The following RNF144A variants were observed in gnomAD, a reference collection of about 807,000 sequenced individuals.
RNF144A encodes the protein E3 ubiquitin-protein ligase RNF144A.
Under a neutral mutation model 38.7 loss-of-function variants are expected in RNF144A, and 11 were observed. That is an observed-to-expected ratio of 0.28 (90% CI 0.18 to 0.47). The LOEUF (loss-of-function observed/expected upper bound fraction) is 0.47, where lower values mean the gene tolerates loss of function less well. Ranked by LOEUF, RNF144A falls within the 20% of genes least tolerant of loss-of-function variation. The probability of loss-of-function intolerance (pLI) is 0.99; values close to 1 mark genes in which losing one functional copy is unlikely to be tolerated. For missense variants in RNF144A, 316 were observed against 377.2 expected, an observed-to-expected ratio of 0.84 and a Z score of 1.34; for synonymous variants, 149 against 143.9, an observed-to-expected ratio of 1.04 and a Z score of -0.25.
intron 6 of RNF144A, among the ~76,000 whole-genome samples, chr2:7,066,119 A>T (rs951177087): frequency 6.7e-6 from 1 of 148,362 alleles, no homozygotes; most frequent in Admixed American, 6.8e-5. Context: ...ACGGAGTCTC[A>T]CTCTGTTGCC....
chr2:6,997,576 G>A (rs1316705107), intron 3 of RNF144A, among the ~76,000 whole-genome samples: 1 of 152,142 alleles, frequency 6.6e-6, no homozygotes, highest in Non-Finnish European at 1.5e-5. Context: ...ATCCTTCGGG[G>A]CTTAATGAAT....
At chr2:6,935,890 C>T (rs192797018) in intron 1 of RNF144A, among the ~76,000 whole-genome samples, 10 of 152,360 alleles carry the variant, frequency 6.6e-5, no homozygotes, top group Admixed American at 3.9e-4. Flanking sequence ...GCTGCTCAAA[C>T]GACTGTTCAG....
intron 6 of RNF144A, among the ~76,000 whole-genome samples, chr2:7,060,733 T>C (rs309273): frequency 0.49 from 74,764 of 151,952 alleles, 19,101 homozygotes; most frequent in South Asian, 0.68. Flanking sequence ...ATTTATAACC[T>C]CTTCTGAGAC....
chr2:6,920,127 A>G (rs961163561), intron 1 of RNF144A, among the ~76,000 whole-genome samples: 11 of 152,234 alleles, frequency 7.2e-5, no homozygotes, highest in Non-Finnish European at 1.5e-5. Flanking sequence ...GTTGGGAGCT[A>G]CAAGCTACGT....
chr2:7,014,582 G>A (rs776257965), intron 4 of RNF144A, 24 bp downstream of exon 4: 6 of 1,562,232 alleles, frequency 3.8e-6, no homozygotes, highest in Non-Finnish European at 5.3e-6. Context: ...AACAGACTGG[G>A]CTGTTTGATG....
rs1280760290 is a variant in RNF144A at position 6,977,702 on chromosome 2, A to AT, written c.-11-19208dup. 2.0e-5 allele frequency among the ~76,000 whole-genome samples: 3 copies of AT among 152,086 alleles called. 1 individual carries two copies. The highest frequency in any genetic ancestry group is 4.4e-5 in the Non-Finnish European group (3 of 68,016). On this transcript the variant is annotated intron_variant, in intron 2 of 8. Coordinates refer to ENST00000320892, the MANE Select transcript of RNF144A (RefSeq NM_014746.6). The stretch of plus-strand genomic sequence containing the variant: ...AGTGTCCATTAAACTTTACTGACCA[A>AT]TTTTTTATGGAGCACTTCCTCTATG...
chr2:7,043,477 T>C lies in RNF144A; in HGVS notation c.*3717T>C. 1 of 985,762 alleles carries C rather than the reference T, an allele frequency of 1.0e-6. No individual in the cohort carries two copies. The highest frequency in any genetic ancestry group is 1.2e-6 in the Non-Finnish European group (1 of 829,904). The allele number at this position is 985,762 out of a possible 1,614,324, so 61.1% of individuals were successfully genotyped here. ...GAGCACACCTGTGTATATATATAAA[T>C]CACAAGGAGATCATCAAGGGAAAAC... On this transcript the variant is annotated 3_prime_UTR_variant, in exon 9 of 9. Transcript: ENST00000320892.
chr2:6,955,032 CAA>C (rs1403357206), intron 2 of RNF144A, among the ~76,000 whole-genome samples: 1 of 152,116 alleles, frequency 6.6e-6, no homozygotes, highest in Non-Finnish European at 1.5e-5. Flanking sequence ...AATTTGGAGA[CAA>C]ATCAGGATTT....
intron 2 of RNF144A, among the ~76,000 whole-genome samples, chr2:6,963,818 C>G (rs1042547836): frequency 6.6e-6 from 1 of 152,132 alleles, no homozygotes; most frequent in Non-Finnish European, 1.5e-5. Flanking sequence ...CGTAGTCCCT[C>G]CTCTCAGGCA....
intron 8 of RNF144A, among the ~76,000 whole-genome samples, chr2:7,035,067 C>T (rs906167094): frequency 6.6e-6 from 1 of 152,260 alleles, no homozygotes; most frequent in Non-Finnish European, 1.5e-5. Context: ...TTGTCATCTT[C>T]ATCTCTGCAA....
At chr2:7,045,217 G>A (rs1027282150), downstream of RNF144A, among the ~76,000 whole-genome samples, 1 of 152,340 alleles carries the variant, frequency 6.6e-6, no homozygotes, top group Non-Finnish European at 1.5e-5. Flanking sequence ...CTGACCTGGT[G>A]GGGGCACAGT....
intron 6 of RNF144A, among the ~76,000 whole-genome samples, chr2:7,056,604 C>A (rs1673749287): frequency 6.6e-6 from 1 of 152,204 alleles, no homozygotes; most frequent in Admixed American, 6.5e-5. Flanking sequence ...TCCTGCAGCA[C>A]TGGCCCCATT....
At chr2:7,068,792 A>G (rs1404285132), downstream of RNF144A, among the ~76,000 whole-genome samples, 1 of 152,224 alleles carries the variant, frequency 6.6e-6, no homozygotes, top group Non-Finnish European at 1.5e-5. Context: ...GCAAAGTCAC[A>G]GATAATGTGG....
At chr2:6,973,903 G>A (rs748765370) in intron 2 of RNF144A, among the ~76,000 whole-genome samples, 2 of 152,196 alleles carry the variant, frequency 1.3e-5, no homozygotes, top group African/African-American at 2.4e-5. Context: ...GATCCACAAA[G>A]CCTGAAATAT....
At chr2:7,060,689 G>A (rs183232558) in intron 6 of RNF144A, among the ~76,000 whole-genome samples, 5 of 152,222 alleles carry the variant, frequency 3.3e-5, no homozygotes, top group African/African-American at 4.8e-5. Flanking sequence ...CCAGAGATGC[G>A]TAGCATTCCC....
At chr2:6,938,324 T>A (rs1299366455) in intron 1 of RNF144A, among the ~76,000 whole-genome samples, 1 of 143,224 alleles carries the variant, frequency 7.0e-6, no homozygotes, top group East Asian at 2.3e-4. Flanking sequence ...CTTGGCTCAC[T>A]GCAACCTCTG....
chr2:7,033,191 T>G (rs1369819744), intron 8 of RNF144A, among the ~76,000 whole-genome samples: 2 of 152,260 alleles, frequency 1.3e-5, no homozygotes, highest in Non-Finnish European at 2.9e-5. Context: ...CTCACATGTA[T>G]TTTGCTCTGG....
At chr2:7,036,932 A>G (rs939115019) in intron 8 of RNF144A, among the ~76,000 whole-genome samples, 8 of 152,194 alleles carry the variant, frequency 5.3e-5, no homozygotes, top group African/African-American at 1.7e-4. Context: ...GGAACTTAGA[A>G]TGGTTTGCAG....
chr2:7,073,177 C>G (rs1674541724), downstream of RNF144A, among the ~76,000 whole-genome samples: 1 of 152,226 alleles, frequency 6.6e-6, no homozygotes, highest in Non-Finnish European at 1.5e-5. Context: ...CACCCTGTCT[C>G]CATCCCTGGG....
Sources: allele counts gnomAD v4.1 joint callset (sites outside exome capture counted in the v4.1 genomes callset), GRCh38; gene constraint gnomAD v4.1.1; transcripts MANE v1.5; gene names NCBI Gene and HGNC (gene_info 2026-07-23, HGNC 2026-07-21).